CBFA2T3: variants seen among roughly 807,000 people sequenced by gnomAD.
CBFA2T3 encodes transcriptional corepressor CBFA2T3.
In CBFA2T3, 31 loss-of-function variants were observed where a neutral mutation model predicts 58.6. That is an observed-to-expected ratio of 0.53 (90% CI 0.40 to 0.71). The LOEUF (loss-of-function observed/expected upper bound fraction) is 0.71, where lower values mean the gene tolerates loss of function less well. Among genes scored for constraint, CBFA2T3 ranks in the 30% least tolerant of loss-of-function variants. CBFA2T3 has a pLI of 0.00. For missense variants in CBFA2T3, 1,076 were observed against 963.1 expected, an observed-to-expected ratio of 1.12 and a Z score of -1.55; for synonymous variants, 531 against 421.9, an observed-to-expected ratio of 1.26 and a Z score of -3.17.
intron 3 of CBFA2T3, among the ~76,000 whole-genome samples, chr16:88,896,733 CTTCCA>C (rs1451192705): frequency 6.6e-6 from 1 of 152,196 alleles, no homozygotes; most frequent in African/African-American, 2.4e-5. Flanking sequence ...GACTGTGGAC[CTTCCA>C]GCAGCTTCTC....
chr16:88,877,790 G>C (rs900322574), intron 11 of CBFA2T3, among the ~76,000 whole-genome samples: 3 of 152,184 alleles, frequency 2.0e-5, no homozygotes, highest in Admixed American at 1.3e-4. Context: ...TGGGCAGAGG[G>C]GGTGGGGGAT....
At chr16:88,932,365 C>T (rs1156993258) in intron 1 of CBFA2T3, among the ~76,000 whole-genome samples, 5 of 152,068 alleles carry the variant, frequency 3.3e-5, no homozygotes, top group East Asian at 1.9e-4. Context: ...CTGGGTGCAG[C>T]GGCTCACGCC....
rs1268930190 is a variant in CBFA2T3, at chr16:88,885,540, C to G, written c.894-271G>C. Among the ~76,000 whole-genome samples the G allele has an allele frequency of 1.3e-5, 2 of 152,156 alleles. No homozygotes were observed. The highest frequency in any genetic ancestry group is 2.4e-5 in the African/African-American group (1 of 41,434). ...TGGTCAAAGAGCCGGACTCGCTGCT[C>G]TGGGAACGAGGAGAGGGATACACCA... is the stretch of plus-strand genomic sequence containing the variant. On this transcript the variant is annotated intron_variant, in intron 6 of 11. Transcript: ENST00000268679. This position sits in a 1 kb window ranked among gnomAD's most constrained non-coding sequence, Gnocchi z 5.3.
intron 1 of CBFA2T3, among the ~76,000 whole-genome samples, chr16:88,956,792 T>G (rs938179866): frequency 6.6e-6 from 1 of 152,216 alleles, no homozygotes; most frequent in Non-Finnish European, 1.5e-5. Flanking sequence ...AGTTTGGAAC[T>G]GGACCGCATG....
In CBFA2T3 at chr16:88,953,960, G is replaced by A. The variant is rs1170874023; in HGVS notation, c.151+22697C>T. On this transcript the variant is annotated intron_variant, in intron 1 of 11. Transcript: ENST00000268679. This position sits in a 1 kb window ranked among gnomAD's most constrained non-coding sequence, Gnocchi z 4.9. ...CTGCCCTGGGCAAATGAGGGCAGGCGGCCTCTAACAGCTGACACCATGTCA... is the reference window on the plus strand; with the variant it reads ...CTGCCCTGGGCAAATGAGGGCAGGCAGCCTCTAACAGCTGACACCATGTCA... Among the ~76,000 whole-genome samples the A allele has an allele frequency of 1.3e-5, 2 of 152,076 alleles. No homozygotes were observed. Among genetic ancestry groups the A allele is most frequent in the African/African-American group, 2.4e-5 (1 of 41,402 alleles).
At chr16:88,913,934 C>G (rs1970606917) in intron 1 of CBFA2T3, among the ~76,000 whole-genome samples, 1 of 152,160 alleles carries the variant, frequency 6.6e-6, no homozygotes, top group Non-Finnish European at 1.5e-5. Context: ...CTCCTGGGCA[C>G]AGAACCTGCA....
intron 1 of CBFA2T3, among the ~76,000 whole-genome samples, chr16:88,908,048 A>G (rs912786310): frequency 6.6e-6 from 1 of 152,188 alleles, no homozygotes; most frequent in African/African-American, 2.4e-5. Context: ...TCATCAAGAA[A>G]GTTCCCAGAC....
intron 1 of CBFA2T3, among the ~76,000 whole-genome samples, chr16:88,972,482 C>G (rs1443610562): frequency 2.0e-5 from 3 of 152,188 alleles, no homozygotes; most frequent in African/African-American, 7.2e-5. Flanking sequence ...GTCTGACCTT[C>G]GTAAATCCTC....
chr16:88,891,554 A>T (rs1428940010), intron 5 of CBFA2T3, among the ~76,000 whole-genome samples: 1 of 152,186 alleles, frequency 6.6e-6, no homozygotes, highest in East Asian at 1.9e-4. Flanking sequence ...CCGTGGAGTG[A>T]GCGAGCACAT....
At chr16:88,890,199 G>C (rs557085029) in intron 5 of CBFA2T3, among the ~76,000 whole-genome samples, 88 of 152,286 alleles carry the variant, frequency 5.8e-4, no homozygotes, top group African/African-American at 1.9e-3. Flanking sequence ...ATTCCCCTGA[G>C]CCCGGGAGTG....
At chr16:88,882,524 GT>G in intron 8 of CBFA2T3, 151 bp downstream of exon 8, 1 of 636,872 alleles carries the variant, frequency 1.6e-6, no homozygotes, top group South Asian at 1.8e-5. Context: ...GGCGTGGCTT[GT>G]GTGGGCATGG....
At chr16:88,927,474 G>A (rs942584075) in intron 1 of CBFA2T3, among the ~76,000 whole-genome samples, 1 of 152,176 alleles carries the variant, frequency 6.6e-6, no homozygotes, top group African/African-American at 2.4e-5. Context: ...GGAAGAGGTG[G>A]GTCCACCTGT....
chr16:88,876,656 C>G lies in CBFA2T3; in HGVS notation c.*320G>C. 3.0e-6 allele frequency: 1 copy of G among 334,652 alleles called. No homozygotes were observed. The highest frequency in any genetic ancestry group is 5.4e-6 in the Non-Finnish European group (1 of 185,092). The allele number at this position is 334,652 out of a possible 1,614,324, so 20.7% of individuals were successfully genotyped here. ...GAGAGGAAAAGAGAGGTGGGCAGAG[C>G]CGCCGCGCCTGCGGCATCTGCTCTG... is the stretch of plus-strand genomic sequence containing the variant. On this transcript the variant is annotated 3_prime_UTR_variant, in exon 12 of 12. Transcript: ENST00000268679.
Position 88,922,142 on chromosome 16 carries a change from T to C in CBFA2T3, c.152-20486A>G, listed in dbSNP as rs117023662. ...GGCTGAGGCTGGCCTGCGCCACACT[T>C]TGGGTGGGGGTACTTCCGGTCTAAG... is the stretch of plus-strand genomic sequence containing the variant. On this transcript the variant is annotated intron_variant, in intron 1 of 11. Transcript: ENST00000268679. Among the ~76,000 whole-genome samples, 895 of 152,294 alleles carry C rather than the reference T, an allele frequency of 5.9e-3. 2 individuals carry two copies. Among genetic ancestry groups the C allele is most frequent in the Non-Finnish European group, 0.01 (690 of 68,010 alleles).
chr16:88,965,032 C>T (rs1298489305), intron 1 of CBFA2T3, among the ~76,000 whole-genome samples: 1 of 150,966 alleles, frequency 6.6e-6, no homozygotes, highest in Non-Finnish European at 1.5e-5. Flanking sequence ...ACCACCTATG[C>T]ACTTCTCCAT....
intron 1 of CBFA2T3, chr16:88,950,299 C>G (rs1367742039): frequency 2.4e-6 from 1 of 420,238 alleles, no homozygotes; most frequent in Non-Finnish European, 4.8e-6. Context: ...CACAGAGGGT[C>G]AGAGTGTTGG....
At chr16:88,889,760 G>A (rs900162310) in intron 5 of CBFA2T3, among the ~76,000 whole-genome samples, 51 of 146,134 alleles carry the variant, frequency 3.5e-4, no homozygotes, top group South Asian at 2.2e-4. Flanking sequence ...GACGCCCCGC[G>A]ATTCCTCCTC....
chr16:88,954,133 A>C (rs1972146612), intron 1 of CBFA2T3, among the ~76,000 whole-genome samples: 1 of 152,038 alleles, frequency 6.6e-6, no homozygotes, highest in Non-Finnish European at 1.5e-5. Context: ...CTCACCACTG[A>C]CCAAGATAGC....
At chr16:88,913,839 C>G (rs891995527) in intron 1 of CBFA2T3, among the ~76,000 whole-genome samples, 1 of 152,182 alleles carries the variant, frequency 6.6e-6, no homozygotes, top group Non-Finnish European at 1.5e-5. Flanking sequence ...ACCTGAAAAT[C>G]ACACCGTGGC....
Sources: allele counts gnomAD v4.1 joint callset (sites outside exome capture counted in the v4.1 genomes callset), GRCh38; gene constraint gnomAD v4.1.1; non-coding constraint Gnocchi (gnomAD v3.1); transcripts MANE v1.5; gene names NCBI Gene and HGNC (gene_info 2026-07-23, HGNC 2026-07-21).